FBXL13: variants seen among roughly 807,000 people sequenced by gnomAD.
FBXL13 encodes the protein F-box and leucine-rich repeat protein 13.
A neutral mutation model predicts 83.6 loss-of-function variants in FBXL13; 67 were observed. The observed-to-expected ratio is 0.80, with a 90% confidence interval of 0.66 to 0.98. FBXL13 has a LOEUF of 0.98. Among genes scored for constraint, FBXL13 ranks in the 50% least tolerant of loss-of-function variants. The pLI, the probability that FBXL13 is intolerant of heterozygous loss-of-function variation, is 0.00. For missense variants in FBXL13, 822 were observed against 866.5 expected (o/e 0.95, Z 0.64); for synonymous variants, 272 against 299.5 (o/e 0.91, Z 0.95).
chr7:102,983,662 C>G (rs1171142926), intron 6 of FBXL13, among the ~76,000 whole-genome samples: 1 of 152,072 alleles, frequency 6.6e-6, no homozygotes, highest in Non-Finnish European at 1.5e-5. Flanking sequence ...CTCAAGTGAT[C>G]TGCCTGCTTT....
chr7:103,055,713 T>C (rs1447819302), exon 2 of FBXL13: 2 of 1,285,244 alleles, frequency 1.6e-6, no homozygotes, highest in South Asian at 1.3e-5. Flanking sequence ...CAGCGGATCC[T>C]CAGGACATGT....
intron 18 of FBXL13, among the ~76,000 whole-genome samples, chr7:102,823,273 T>G (rs1469165102): frequency 3.9e-5 from 6 of 152,190 alleles, no homozygotes; most frequent in African/African-American, 1.4e-4. Flanking sequence ...AACATATGTT[T>G]AATAACATTA....
intron 1 of FBXL13, among the ~76,000 whole-genome samples, chr7:103,064,648 C>T (rs1798227486): frequency 6.6e-6 from 1 of 152,210 alleles, no homozygotes; most frequent in Non-Finnish European, 1.5e-5. Flanking sequence ...ATCTCCCATC[C>T]TCCATGTTCT....
Position 102,912,684 on chromosome 7 carries a change from C to CA in FBXL13, c.1008+401dup, listed in dbSNP as rs1554452561. ...TTATAGCATTTTACCCCCCCCCCCCCAAAAAAAAACCCATGTGGGAGTTAA... is the reference window on the plus strand; with the variant it reads ...TTATAGCATTTTACCCCCCCCCCCCCAAAAAAAAAACCCATGTGGGAGTTAA... On this transcript the variant is annotated intron_variant, in intron 11 of 19. Transcript: ENST00000313221. 8.9e-4 allele frequency among the ~76,000 whole-genome samples: 102 copies of CA among 114,504 alleles called. 2 individuals carry two copies. Among genetic ancestry groups the CA allele is most frequent in the South Asian group, 5.9e-3 (21 of 3,568 alleles). The allele number at this position is 114,504 out of a possible 152,430, so 75.1% of individuals were successfully genotyped here.
At chr7:102,974,524 C>T (rs1329447380) in intron 6 of FBXL13, among the ~76,000 whole-genome samples, 2 of 152,106 alleles carry the variant, frequency 1.3e-5, no homozygotes, top group African/African-American at 2.4e-5. Flanking sequence ...ATAGAACATT[C>T]GACTTTACAA....
At chr7:102,931,825 C>T (rs112721319) in intron 9 of FBXL13, 56 bp downstream of exon 10, 9 of 1,521,988 alleles carry the variant, frequency 5.9e-6, no homozygotes, top group African/African-American at 2.7e-5. Flanking sequence ...TATTGGCACC[C>T]CAATGTAGCA....
At chr7:102,922,372 G>T (rs1817222515) in intron 10 of FBXL13, among the ~76,000 whole-genome samples, 1 of 151,898 alleles carries the variant, frequency 6.6e-6, no homozygotes, top group Non-Finnish European at 1.5e-5. Flanking sequence ...TAAAAGGAAA[G>T]AAATCAAATC....
At chr7:103,044,200 C>T (rs1357699850) in intron 2 of FBXL13, among the ~76,000 whole-genome samples, 1 of 152,126 alleles carries the variant, frequency 6.6e-6, no homozygotes, top group Non-Finnish European at 1.5e-5. Flanking sequence ...GGACATTTTA[C>T]AAGACAAATT....
chr7:102,920,638 C>T (rs537758899), intron 10 of FBXL13, among the ~76,000 whole-genome samples: 32 of 152,162 alleles, frequency 2.1e-4, no homozygotes, highest in East Asian at 3.9e-4. Flanking sequence ...CAAGCCACCA[C>T]GCATGGCCCA....
rs376962400 is a variant in FBXL13 at position 102,821,028 on chromosome 7, T to C, written c.2018+1012A>G. Among the ~76,000 whole-genome samples, 5 of 152,228 alleles carry C rather than the reference T, an allele frequency of 3.3e-5. No individual in the cohort carries two copies. The East Asian group carries it at 7.7e-4, about 23-fold the overall frequency. ...TAATATTACCTCTTATAAATAGTGATTGGCAAAATATAATCAAAAAATTAG... is the reference window on the plus strand; with the variant it reads ...TAATATTACCTCTTATAAATAGTGACTGGCAAAATATAATCAAAAAATTAG... On this transcript the variant is annotated intron_variant, in intron 19 of 19. Transcript: ENST00000313221.
At chr7:102,832,283 T>C (rs558748257) in intron 18 of FBXL13, among the ~76,000 whole-genome samples, 1 of 152,246 alleles carries the variant, frequency 6.6e-6, no homozygotes, top group Non-Finnish European at 1.5e-5. Flanking sequence ...ACTGGAACAC[T>C]GTTTAACAGG....
chr7:102,912,684 C>CGA, intron 11 of FBXL13, among the ~76,000 whole-genome samples: 1 of 114,432 alleles, frequency 8.7e-6, no homozygotes, highest in Non-Finnish European at 1.8e-5. Flanking sequence ...CCCCCCCCCC[C>CGA]AAAAAAAAAC....
intron 10 of FBXL13, among the ~76,000 whole-genome samples, chr7:102,919,548 A>G (rs1381464272): frequency 6.6e-6 from 1 of 152,244 alleles, no homozygotes; most frequent in Non-Finnish European, 1.5e-5. Flanking sequence ...TTAATTTCTC[A>G]GAGAAAAGGA....
intron 11 of FBXL13, among the ~76,000 whole-genome samples, chr7:102,901,546 C>T (rs1812962226): frequency 6.6e-6 from 1 of 152,136 alleles, no homozygotes; most frequent in South Asian, 2.1e-4. Flanking sequence ...CCACCTCAAC[C>T]TCAAAGCCCC....
rs371693865 is a variant in FBXL13 at position 103,021,060 on chromosome 7, T to C, written c.495+4003A>G. On this transcript the variant is annotated intron_variant, in intron 6 of 19. Coordinates refer to ENST00000313221, the Ensembl canonical transcript of FBXL13. The stretch of plus-strand genomic sequence containing the variant: ...AGCAAAAAGAACAAAGCTGGAGGCA[T>C]CATGCTACCTGACTTCAAACTATAC... Among the ~76,000 whole-genome samples the C allele has an allele frequency of 8.6e-3, 1,313 of 152,312 alleles. 16 individuals carry two copies. The highest frequency in any genetic ancestry group is 0.018 in the South Asian group (87 of 4,830).
At chr7:102,976,217 C>A (rs1363813224) in intron 6 of FBXL13, 2 of 752,048 alleles carry the variant, frequency 2.7e-6, no homozygotes, top group South Asian at 2.7e-5. Context: ...CAAGGGTAAC[C>A]CTGATGGTGG....
intron 1 of FBXL13, among the ~76,000 whole-genome samples, chr7:103,064,281 T>C (rs543893393): frequency 5.9e-5 from 9 of 152,154 alleles, no homozygotes; most frequent in Non-Finnish European, 1.3e-4. Flanking sequence ...AATGCACCGG[T>C]TGTTGCAAGC....
chr7:102,988,037 TGAAGATGGAATGA>T (rs1829174031), intron 6 of FBXL13: 1 of 151,536 alleles, frequency 6.6e-6, no homozygotes, highest in Admixed American at 6.6e-5. Context: ...ACCCAGGGAG[TGAAGATGGAATGA>T]GAAGAACAGA....
chr7:102,998,673 A>G (rs1337047429), intron 6 of FBXL13, among the ~76,000 whole-genome samples: 1 of 151,984 alleles, frequency 6.6e-6, no homozygotes, highest in Non-Finnish European at 1.5e-5. Context: ...CGTTTTTCTA[A>G]ATATAATATT....
Sources: gnomAD v4.1 joint callset for allele counts (sites outside exome capture counted in the v4.1 genomes callset) on GRCh38, gnomAD v4.1.1 for gene constraint, MANE v1.5 for transcripts, NCBI Gene and HGNC (gene_info 2026-07-23, HGNC 2026-07-21) for gene names.